FA2H: variants seen among roughly 807,000 people sequenced by gnomAD.
The protein encoded by FA2H is fatty acid 2-hydroxylase.
FA2H carries 22 observed loss-of-function variants against 44.9 expected under a neutral mutation model. That is an observed-to-expected ratio of 0.49 (90% CI 0.35 to 0.70). The LOEUF is 0.70. Ranked by LOEUF, FA2H falls within the 30% of genes least tolerant of loss-of-function variation. The pLI is 0.01. For synonymous variants in FA2H, 243 were observed against 213.2 expected (o/e 1.14, Z -1.22); for missense variants, 501 against 504.9 (o/e 0.99, Z 0.07).
At chr16:74,728,006 C>A (rs76871155) in intron 2 of FA2H, among the ~76,000 whole-genome samples, 1 of 152,342 alleles carries the variant, frequency 6.6e-6, no homozygotes, top group East Asian at 1.9e-4. Flanking sequence ...AACCTTGTTT[C>A]ATGTAGCTTA....
intron 1 of FA2H, among the ~76,000 whole-genome samples, chr16:74,745,875 G>A (rs1225281915): frequency 7.6e-6 from 1 of 132,128 alleles, no homozygotes; most frequent in African/African-American, 2.9e-5. Context: ...GCACCATCTT[G>A]TCTCACTGCA....
chr16:74,722,015 G>A (rs1161040847), intron 4 of FA2H, among the ~76,000 whole-genome samples: 1 of 152,202 alleles, frequency 6.6e-6, no homozygotes, highest in Non-Finnish European at 1.5e-5. Context: ...GGGAAGCCCT[G>A]CATTGCCTGC....
intron 1 of FA2H, among the ~76,000 whole-genome samples, chr16:74,754,409 A>G (rs1157864658): frequency 6.6e-6 from 1 of 152,140 alleles, no homozygotes; most frequent in Non-Finnish European, 1.5e-5. Context: ...AACAAAAAAC[A>G]AAAAACAAAA....
intron 2 of FA2H, among the ~76,000 whole-genome samples, chr16:74,738,418 A>C (rs1030403941): frequency 1.3e-5 from 2 of 151,994 alleles, no homozygotes; most frequent in African/African-American, 4.8e-5. Flanking sequence ...TCAGCCCTGA[A>C]CCACAGCTCG....
At chr16:74,770,834 G>A (rs1373143155) in intron 1 of FA2H, among the ~76,000 whole-genome samples, 1 of 152,232 alleles carries the variant, frequency 6.6e-6, no homozygotes, top group African/African-American at 2.4e-5. Flanking sequence ...ACATGCTCAG[G>A]TTGGGGCCCA....
intron 4 of FA2H, among the ~76,000 whole-genome samples, chr16:74,721,162 TTCTC>T (rs774121149): frequency 6.6e-6 from 1 of 152,062 alleles, no homozygotes; most frequent in Non-Finnish European, 1.5e-5. Context: ...AAGCTAGCCA[TTCTC>T]TCTCTCTTTT....
chr16:74,756,243 G>T (rs1434410936), intron 1 of FA2H, among the ~76,000 whole-genome samples: 1 of 152,160 alleles, frequency 6.6e-6, no homozygotes, highest in Non-Finnish European at 1.5e-5. Flanking sequence ...GGAAGAATAA[G>T]CAGGACCCAC....
At chr16:74,745,762 C>T (rs1310555643) in intron 1 of FA2H, among the ~76,000 whole-genome samples, 1 of 151,434 alleles carries the variant, frequency 6.6e-6, no homozygotes, top group African/African-American at 2.4e-5. Context: ...TCTGGTCAGT[C>T]CAAGCCACAA....
intron 4 of FA2H, among the ~76,000 whole-genome samples, chr16:74,724,090 C>T (rs909793079): frequency 1.3e-5 from 2 of 152,028 alleles, no homozygotes; most frequent in Admixed American, 1.3e-4. Context: ...TTAGTAGAGA[C>T]TGGGTTTCAC....
At chr16:74,746,139 A>T (rs570648214) in intron 1 of FA2H, among the ~76,000 whole-genome samples, 2 of 151,970 alleles carry the variant, frequency 1.3e-5, no homozygotes, top group Non-Finnish European at 2.9e-5. Context: ...GCAGGGAATG[A>T]AGCAGACTAC....
intron 4 of FA2H, among the ~76,000 whole-genome samples, chr16:74,721,880 C>A (rs913569888): frequency 6.6e-6 from 1 of 152,338 alleles, no homozygotes; most frequent in East Asian, 1.9e-4. Context: ...TGCACCGGCA[C>A]GCGGGCGCTG....
intron 1 of FA2H, among the ~76,000 whole-genome samples, chr16:74,740,937 C>T (rs974152170): frequency 2.2e-4 from 34 of 152,272 alleles, no homozygotes; most frequent in Middle Eastern, 6.8e-3. Context: ...CAGCAGGGAG[C>T]GAGGGAGGCT....
intron 1 of FA2H, among the ~76,000 whole-genome samples, chr16:74,760,808 C>T (rs534344024): frequency 4.7e-4 from 72 of 152,284 alleles, no homozygotes; most frequent in African/African-American, 1.7e-3. Context: ...TTTGGTACCC[C>T]TCGGCTTAAT....
chr16:74,771,582 C>T (rs899154540), intron 1 of FA2H, among the ~76,000 whole-genome samples: 2 of 152,008 alleles, frequency 1.3e-5, no homozygotes, highest in East Asian at 1.9e-4. Context: ...GTGATCCACC[C>T]GCCTTACCCT....
intron 2 of FA2H, among the ~76,000 whole-genome samples, chr16:74,731,805 G>C (rs553029436): frequency 6.6e-6 from 1 of 152,226 alleles, no homozygotes; most frequent in African/African-American, 2.4e-5. Context: ...TTTCCTTGCA[G>C]TTGTTGCTGT....
chr16:74,737,480 G>A (rs544972575), intron 2 of FA2H, among the ~76,000 whole-genome samples: 59 of 152,256 alleles, frequency 3.9e-4, no homozygotes, highest in African/African-American at 1.4e-3. Flanking sequence ...GGGCACCAGG[G>A]TTTGCTTCCT....
chr16:74,757,036 C>T (rs1390839043), intron 1 of FA2H, among the ~76,000 whole-genome samples: 16 of 149,298 alleles, frequency 1.1e-4, no homozygotes, highest in Admixed American at 9.3e-4. Context: ...AAAGGTTTTG[C>T]GTTGAAAAAA....
intron 1 of FA2H, among the ~76,000 whole-genome samples, chr16:74,769,580 T>A (rs957885669): frequency 5.9e-5 from 9 of 152,124 alleles, no homozygotes; most frequent in Admixed American, 1.3e-4. Context: ...CAGAGTATAG[T>A]ACACCAAACT....
chr16:74,719,570 G>A (rs113406118), intron 4 of FA2H, among the ~76,000 whole-genome samples: 4,611 of 152,216 alleles, frequency 0.03, 81 homozygotes, highest in Middle Eastern at 0.051. Context: ...TTGGAAGACT[G>A]GAGTGCTGGA....
Sources: allele counts gnomAD v4.1 joint callset (sites outside exome capture counted in the v4.1 genomes callset), GRCh38; gene constraint gnomAD v4.1.1; transcripts MANE v1.5; gene names NCBI Gene and HGNC (gene_info 2026-07-23, HGNC 2026-07-21).